The following KNL1 variants were observed in gnomAD, a reference collection of about 807,000 sequenced individuals.
The protein encoded by KNL1 is kinetochore scaffold 1.
Under a neutral mutation model 201.3 loss-of-function variants are expected in KNL1, and 66 were observed. The observed-to-expected ratio is 0.33, with a 90% CI of 0.27 to 0.40. The LOEUF (loss-of-function observed/expected upper bound fraction) is 0.40, where lower values mean the gene tolerates loss of function less well. KNL1 is among the 10% of genes least tolerant of loss of function. The pLI, the probability that KNL1 is intolerant of heterozygous loss-of-function variation, is 1.00. For missense variants in KNL1, 2,815 were observed against 2,690.5 expected, an observed-to-expected ratio of 1.05 and a Z score of -1.02; for synonymous variants, 895 against 899.2, an observed-to-expected ratio of 1.00 and a Z score of 0.08.
At chr15:40,601,820 T>TC (rs1891801509) in intron 1 of KNL1, among the ~76,000 whole-genome samples, 2 of 111,892 alleles carry the variant, frequency 1.8e-5, no homozygotes, top group Admixed American at 1.0e-4. Context: ...AGAGCCAGAC[T>TC]CCGTCTCAAA....
In KNL1 at chr15:40,659,894, ATGTGTGTG is replaced by A. The variant is rs776409302; in HGVS notation, c.6836+459_6836+466del. ...CTCTTGAGTTCATTTTGAAGAATTT[ATGTGTGTG>A]TGTGTGTGTGTGTGTGTGTGTGTGT... On this transcript the variant is annotated intron_variant, in intron 25 of 25. Coordinates refer to ENST00000399668, the MANE Select transcript of KNL1 (RefSeq NM_144508.5). Among the ~76,000 whole-genome samples, 571 of 146,972 alleles carry A rather than the reference ATGTGTGTG, an allele frequency of 3.9e-3. 11 individuals carry two copies. Among genetic ancestry groups the A allele is most frequent in the African/African-American group, 0.013 (537 of 39,996 alleles).
Position 40,622,492 on chromosome 15 carries a change from C to A in KNL1, c.2228C>A (p.Pro743His), listed in dbSNP as rs373029309. Reference sequence around the variant, plus strand: ...CCACTGAGGAAAAGTTTAAGCAATCCCACACCTGACTATTGCCATGACAAG... The same window carrying A: ...CCACTGAGGAAAAGTTTAAGCAATCACACACCTGACTATTGCCATGACAAG... The part of the protein sequence containing the change: ...AEPLRKSLSN[P>H]TPDYCHDKMI... The change falls in exon 10 of 26, where the codon CCC becomes CAC. Residue 743 changes from proline to histidine, a missense_variant. Physicochemically the swap from Pro to His is moderately conservative, Grantham distance 77. Coordinates refer to ENST00000399668, the MANE Select transcript of KNL1 (RefSeq NM_144508.5). The A allele has an allele frequency of 1.9e-6, 3 of 1,613,962 alleles. No individual in the cohort carries two copies. Among genetic ancestry groups the A allele is most frequent in the Non-Finnish European group, 2.5e-6 (3 of 1,179,928 alleles).
At chr15:40,654,259 T>A (rs922400083) in intron 21 of KNL1, among the ~76,000 whole-genome samples, 2 of 152,212 alleles carry the variant, frequency 1.3e-5, no homozygotes, top group South Asian at 4.1e-4. Context: ...TTTTACTGTA[T>A]TTATACAATG....
rs1463061229 is a variant in KNL1 at position 40,608,805 on chromosome 15, G to A, written c.136-42G>A. 2.9e-6 allele frequency: 4 copies of A among 1,375,388 alleles called. No individual in the cohort carries two copies. The Admixed American group carries it at 5.2e-5, about 18-fold the overall frequency. 85.2% of individuals were successfully genotyped at this position (1,375,388 alleles called of 1,614,324 possible). On this transcript the variant is annotated intron_variant, in intron 4 of 25. Transcript: ENST00000399668. The stretch of plus-strand genomic sequence containing the variant: ...TAGTACTCTGGAGATGTAATTCACA[G>A]TGATTTTATTAAGAATTATACCATA...
Position 40,645,073 on chromosome 15 carries a change from T to C in KNL1, c.5875T>C (p.Cys1959Arg), listed in dbSNP as rs1401708439. 1 of 1,608,252 alleles carries C rather than the reference T, an allele frequency of 6.2e-7. No individual in the cohort carries two copies. The highest frequency in any genetic ancestry group is 1.7e-5 in the Admixed American group (1 of 59,858). The change falls in exon 15 of 26, where the codon TGC becomes CGC. Residue 1959 changes from cysteine to arginine, a missense_variant. Around this residue, in one of 3 missense-constraint regions of KNL1, gnomAD observed 2,464 missense variants for 2,291.7 expected, o/e 1.08. Coordinates refer to ENST00000399668, the MANE Select transcript of KNL1 (RefSeq NM_144508.5). The part of the protein sequence containing the change: ...NKNLWEKMRH[C>R]SDKELKAFGI... ...GAACCTGTGGGAAAAAATGAGACACTGCTCTGACAAAGAGGTACTTTTGTC... is the reference window on the plus strand; with the variant it reads ...GAACCTGTGGGAAAAAATGAGACACCGCTCTGACAAAGAGGTACTTTTGTC...
rs75751141 is a variant in KNL1 at position 40,611,544 on chromosome 15, A to T, written c.284+33A>T. On this transcript the variant is annotated intron_variant, in intron 7 of 25. Coordinates refer to ENST00000399668, the MANE Select transcript of KNL1 (RefSeq NM_144508.5). ...ATATTCAAATTATATTTAAAAAGTT[A>T]TAAATTAATATTATTTTTATTTCTT... 3,110 of 185,068 alleles carry T rather than the reference A, an allele frequency of 0.017. 109 individuals carry two copies. The highest frequency in any genetic ancestry group is 0.072 in the African/African-American group (2,990 of 41,746). 11.5% of individuals were successfully genotyped at this position (185,068 alleles called of 1,614,324 possible).
chr15:40,648,418 C>T (rs965707612), intron 17 of KNL1, among the ~76,000 whole-genome samples: 2 of 146,438 alleles, frequency 1.4e-5, no homozygotes, highest in Non-Finnish European at 3.0e-5. Flanking sequence ...TGCAACAGAG[C>T]AAACTAAATA....
At chr15:40,617,522 G>A (rs79404989) in intron 8 of KNL1, among the ~76,000 whole-genome samples, 1,926 of 152,102 alleles carry the variant, frequency 0.013, 41 homozygotes, top group African/African-American at 0.044. Flanking sequence ...TCCTTATCTC[G>A]TTATGAATAG....
chr15:40,606,512 G>T, intron 4 of KNL1, 60 bp downstream of exon 4: 1 of 960,388 alleles, frequency 1.0e-6, no homozygotes, highest in Non-Finnish European at 1.7e-6. Flanking sequence ...TTTAAGTCAA[G>T]AAGTTTATTA....
rs115132152 is a variant in KNL1 at position 40,624,013 on chromosome 15, C to T, written c.3749C>T (p.Ala1250Val). The change falls in exon 10 of 26, where the codon GCT becomes GTT. Residue 1250 changes from alanine (A) to valine (V), a missense_variant. Physicochemically the swap from Ala to Val is moderately conservative, Grantham distance 64. Transcript: ENST00000399668. ...TTNEIIKFHSAAMDEKVIGKV... is the reference protein window; with the variant it reads ...TTNEIIKFHSVAMDEKVIGKV... ...AATGAAATCATCAAATTTCATAGTG[C>T]TGCTATGGATGAAAAGGTCATAGGG... 95 of 1,613,864 alleles carry T rather than the reference C, an allele frequency of 5.9e-5. 1 individual carries two copies. In the African/African-American group the frequency reaches 1.2e-3, roughly 20 times the overall value.
At position 40,628,621 on chromosome 15, in the gene KNL1, T is replaced by C. The variant is rs752860044; in HGVS notation, c.5526T>C (p.Ser1842=). The change falls in exon 12 of 26, where the codon AGT becomes AGC. Residue 1842 remains serine (S), a synonymous_variant. Coordinates refer to ENST00000399668, the MANE Select transcript of KNL1 (RefSeq NM_144508.5). ...TTGCTTTACTTCTAGCTTACCGCAG[T>C]AGTCAAATGGAATCACAGTTTCTCA... ...GTSLDFSTYR[S]SQMESQFLRD... is the part of the protein sequence containing the mutation. 95 of 1,601,466 alleles carry C rather than the reference T, an allele frequency of 5.9e-5. No homozygotes were observed. The highest frequency in any genetic ancestry group is 7.3e-5 in the Non-Finnish European group (86 of 1,172,252).
In KNL1 at chr15:40,629,353, G is replaced by A; in HGVS notation, c.5664G>A (p.Gln1888=). 6.2e-7 allele frequency: 1 copy of A among 1,603,812 alleles called. No homozygotes were observed. Among genetic ancestry groups the A allele is most frequent in the South Asian group, 1.1e-5 (1 of 88,706 alleles). The change falls in exon 13 of 26, where the codon CAG becomes CAA. Residue 1888 remains glutamine (Q), a synonymous_variant. Coordinates refer to ENST00000399668, the MANE Select transcript of KNL1 (RefSeq NM_144508.5). The part of the protein sequence containing the change: ...QVHILIQKPR[Q]SNLPGNFTVN... ...ACATCTTGATACAGAAACCCCGACA[G>A]AGCAATCTCCCAGGCAATGTAAGTG... is the stretch of plus-strand genomic sequence containing the variant.
In KNL1 at chr15:40,624,446, T is replaced by G; in HGVS notation, c.4182T>G (p.Asp1394Glu). 6.2e-7 allele frequency: 1 copy of G among 1,613,896 alleles called. No individual in the cohort carries two copies. Among genetic ancestry groups the G allele is most frequent in the South Asian group, 1.1e-5 (1 of 91,084 alleles). ...ACAAAGATCAAGATCTGATTAAGGA[T>G]CCACGAAATCTATTGGCTAATCAAA... ...TLHKDQDLIK[D>E]PRNLLANQTL... Residue 1394 changes from aspartate to glutamate, a missense_variant, in exon 10 of 26, where the codon GAT becomes GAG. Transcript: ENST00000399668.
At position 40,623,523 on chromosome 15, in the gene KNL1, G is replaced by T; in HGVS notation, c.3259G>T (p.Asp1087Tyr). 1 of 1,613,456 alleles carries T rather than the reference G, an allele frequency of 6.2e-7. No homozygotes were observed. Residue 1087 changes from aspartate to tyrosine, a missense_variant, in exon 10 of 26, where the codon GAT (aspartate) becomes TAT (tyrosine). Asp to Tyr is a radical substitution (Grantham distance 160). Transcript: ENST00000399668. ...TTCAGAGAATCATAAAAATGATATG[G>T]ATATTACCCAGAGTTGTATGGTGGA... ...VFSENHKNDM[D>Y]ITQSCMVEID... is the part of the protein sequence containing the mutation.
chr15:40,607,092 G>T (rs954688945), intron 4 of KNL1, among the ~76,000 whole-genome samples: 22 of 152,152 alleles, frequency 1.4e-4, no homozygotes, highest in Admixed American at 3.3e-4. Context: ...TATAGACAGG[G>T]TCTTGCTATG....
At position 40,625,003 on chromosome 15, in the gene KNL1, C is replaced by G. The variant is rs557951424; in HGVS notation, c.4739C>G (p.Pro1580Arg). The change falls in exon 10 of 26, where the codon CCA (proline) becomes CGA (arginine). Residue 1580 changes from proline (P) to arginine (R), a missense_variant. Transcript: ENST00000399668. ...TTAGCCTTTCAAACTGTTCATCTAC[C>G]ACCCCTTCCAGAGCAATTACTTGAA... ...EFLAFQTVHL[P>R]PLPEQLLELG... is the part of the protein sequence containing the mutation. The G allele has an allele frequency of 2.7e-5, 43 of 1,613,806 alleles. No homozygotes were observed. Among genetic ancestry groups the G allele is most frequent in the Non-Finnish European group, 3.6e-5 (42 of 1,179,930 alleles).
chr15:40,625,086 A>G lies in KNL1; in HGVS notation c.4822A>G (p.Ile1608Val), dbSNP rs898364917. Residue 1608 changes from isoleucine to valine, a missense_variant, in exon 10 of 26, where the codon ATT becomes GTT. Transcript: ENST00000399668. ...AGTGCAAGCTACAGAAATACATAAT[A>G]TTAACATAATCTCCAGCAATGCTAA... Reference protein sequence around the residue: ...HIVQATEIHNINIISSNAKDS... With the variant: ...HIVQATEIHNVNIISSNAKDS... 7 of 1,613,716 alleles carry G rather than the reference A, an allele frequency of 4.3e-6. No individual in the cohort carries two copies. The African/African-American group carries it at 6.7e-5, about 15-fold the overall frequency.
chr15:40,646,898 A>G, intron 16 of KNL1, 89 bp from the exon 17 acceptor site: 1 of 599,728 alleles, frequency 1.7e-6, no homozygotes, highest in Non-Finnish European at 3.1e-6. Flanking sequence ...GTTTGTGATC[A>G]TGATAGAGCG....
intron 13 of KNL1, among the ~76,000 whole-genome samples, chr15:40,632,495 G>A (rs533333718): frequency 2.0e-5 from 3 of 151,854 alleles, no homozygotes; most frequent in African/African-American, 4.8e-5. Context: ...CCAGCTACTC[G>A]GGAGGCTGAA....
Sources: allele counts gnomAD v4.1 joint callset (sites outside exome capture counted in the v4.1 genomes callset), GRCh38; gene constraint gnomAD v4.1.1; regional missense constraint gnomAD v4.1.1; transcripts MANE v1.5; gene names NCBI Gene and HGNC (gene_info 2026-07-23, HGNC 2026-07-21).